Variants in DNAI3 observed in about 807,000 individuals in gnomAD.
DNAI3 encodes the protein WD repeat domain 63.
Under a neutral mutation model 115.5 loss-of-function variants are expected in DNAI3, and 83 were observed. That is an observed-to-expected ratio of 0.72 (90% confidence interval 0.60 to 0.86). DNAI3 has a LOEUF of 0.86. Among genes scored for constraint, DNAI3 ranks in the 40% least tolerant of loss-of-function variants. The pLI is 0.00. For missense variants in DNAI3, 1,004 were observed against 1,075.8 expected (o/e 0.93, Z 0.93); for synonymous variants, 320 against 347.0 (o/e 0.92, Z 0.86).
Position 85,132,150 on chromosome 1 carries a change from A to G in DNAI3, c.2533-705A>G, listed in dbSNP as rs1656345615. On this transcript the variant is annotated intron_variant, in intron 22 of 22. Coordinates refer to ENST00000294664, the MANE Select transcript of DNAI3 (RefSeq NM_145172.5). ...TCTAAGCAACGGCTGATAAAGGGGG[A>G]AATGGCAACAGTAACAACCTCAGAA... Among the ~76,000 whole-genome samples, 3 of 152,234 alleles carry G rather than the reference A, an allele frequency of 2.0e-5. No homozygotes were observed. In the East Asian group the frequency reaches 5.8e-4, roughly 29 times the overall value.
At chr1:85,064,003 C>A (rs1244333851) in intron 1 of DNAI3, among the ~76,000 whole-genome samples, 1 of 152,066 alleles carries the variant, frequency 6.6e-6, no homozygotes, top group East Asian at 1.9e-4. Context: ...CTCATCATTA[C>A]CTCACAATTA....
rs759476924 is a variant in DNAI3, at chr1:85,108,054, T to G, written c.1575T>G (p.Ile525Met). ...TTAGCACAATATGTTTTTGGGATATTAGACCACAGAAACCTTTAACCCCCC... is the reference window on the plus strand; with the variant it reads ...TTAGCACAATATGTTTTTGGGATATGAGACCACAGAAACCTTTAACCCCCC... The part of the protein sequence containing the change: ...SADCTICFWD[I>M]RPQKPLTPQT... Residue 525 changes from isoleucine to methionine, a missense_variant, in exon 15 of 23, where the codon ATT becomes ATG. Transcript: ENST00000294664. 17 of 1,591,972 alleles carry G rather than the reference T, an allele frequency of 1.1e-5. No individual in the cohort carries two copies. In the East Asian group the frequency reaches 3.8e-4, roughly 36 times the overall value.
intron 1 of DNAI3, among the ~76,000 whole-genome samples, chr1:85,065,048 A>T (rs1370645223): frequency 1.3e-5 from 2 of 152,140 alleles, no homozygotes; most frequent in Non-Finnish European, 2.9e-5. Context: ...AAATAAATAA[A>T]TAAATGTAGA....
intron 4 of DNAI3, 50 bp downstream of exon 4, chr1:85,081,465 G>A: frequency 6.8e-7 from 1 of 1,462,198 alleles, no homozygotes; most frequent in Non-Finnish European, 9.0e-7. Flanking sequence ...AGAAGTTCCT[G>A]GTACATAATA....
intron 13 of DNAI3, among the ~76,000 whole-genome samples, chr1:85,101,449 G>A (rs1290712086): frequency 6.6e-6 from 1 of 152,068 alleles, no homozygotes. Flanking sequence ...CAGGCTGGGC[G>A]CAGTGGCTCA....
chr1:85,116,529 A>G (rs1371088404), intron 16 of DNAI3, among the ~76,000 whole-genome samples: 1 of 152,220 alleles, frequency 6.6e-6, no homozygotes, highest in African/African-American at 2.4e-5. Context: ...TACATATTCT[A>G]CTTCTCTAAT....
intron 14 of DNAI3, among the ~76,000 whole-genome samples, chr1:85,107,095 C>T (rs192716499): frequency 5.9e-5 from 9 of 152,222 alleles, no homozygotes; most frequent in East Asian, 5.8e-4. Context: ...TGTTGGTGAA[C>T]GTGCAGAGAT....
chr1:85,090,198 C>A lies in DNAI3; in HGVS notation c.823C>A (p.Pro275Thr), dbSNP rs1398639548. The change falls in exon 8 of 23, where the codon CCT (proline) becomes ACT (threonine). Residue 275 changes from proline to threonine, a missense_variant. Physicochemically the swap from Pro to Thr is conservative, Grantham distance 38 (BLOSUM62 -1). Transcript: ENST00000294664. ...AAAAGAGACACTCAAACAATCAAAG[C>A]CTTTGGTTGATTTTCTTAACAATGC... ...EEKETLKQSK[P>T]LVDFLNNASI... 1.3e-6 allele frequency: 2 copies of A among 1,579,776 alleles called. No individual in the cohort carries two copies. The highest frequency in any genetic ancestry group is 4.6e-5 in the East Asian group (2 of 43,820).
At chr1:85,072,198 C>A (rs559818197) in intron 2 of DNAI3, among the ~76,000 whole-genome samples, 193 bp downstream of exon 2, 11 of 152,208 alleles carry the variant, frequency 7.2e-5, no homozygotes, top group Middle Eastern at 6.8e-3. Flanking sequence ...CAATTAGATG[C>A]GATATAATGA....
intron 1 of DNAI3, among the ~76,000 whole-genome samples, chr1:85,065,997 G>A (rs1314727304): frequency 6.6e-6 from 1 of 152,174 alleles, no homozygotes; most frequent in Non-Finnish European, 1.5e-5. Flanking sequence ...CTGTTATGCA[G>A]GGGACTTACC....
At chr1:85,118,691 A>C (rs988863218) in intron 17 of DNAI3, among the ~76,000 whole-genome samples, 1 of 152,144 alleles carries the variant, frequency 6.6e-6, no homozygotes, top group Non-Finnish European at 1.5e-5. Context: ...TGGGATCAGA[A>C]GTGAATAGCA....
At chr1:85,124,685 C>G (rs974554198) in intron 19 of DNAI3, among the ~76,000 whole-genome samples, 2 of 152,282 alleles carry the variant, frequency 1.3e-5, no homozygotes, top group East Asian at 1.9e-4. Context: ...TGTACGCCAC[C>G]AAGCCCAGCT....
intron 4 of DNAI3, 44 bp from the exon 5 acceptor site, chr1:85,082,256 T>A: frequency 6.9e-7 from 1 of 1,450,272 alleles, no homozygotes; most frequent in Non-Finnish European, 9.6e-7. Context: ...ATAAACTGAA[T>A]GACCATTGAA....
chr1:85,117,505 A>T (rs1655866108), intron 16 of DNAI3, among the ~76,000 whole-genome samples: 1 of 152,222 alleles, frequency 6.6e-6, no homozygotes, highest in Non-Finnish European at 1.5e-5. Flanking sequence ...ATGTGCAGGT[A>T]TAGCTAGAGC....
At chr1:85,096,085 T>G in intron 11 of DNAI3, 65 bp downstream of exon 11, 1 of 1,465,702 alleles carries the variant, frequency 6.8e-7, no homozygotes, top group Non-Finnish European at 9.5e-7. Context: ...AAGTTTTGAC[T>G]TGGCAGTTCC....
Position 85,130,105 on chromosome 1 carries a change from A to G in DNAI3, c.2525A>G (p.Lys842Arg), listed in dbSNP as rs763436828. Residue 842 changes from lysine (K) to arginine (R), a missense_variant, in exon 22 of 23, where the codon AAA becomes AGA. Coordinates refer to ENST00000294664, the MANE Select transcript of DNAI3 (RefSeq NM_145172.5). ...GAAATGGAACTAGAAATGGCAAAGA[A>G]AAAAGTTGTAAGTTAAATTTCAGAA... Reference protein sequence around the residue: ...KKEMELEMAKKKVKTYQKSKE... With the variant: ...KKEMELEMAKRKVKTYQKSKE... 3 of 1,613,388 alleles carry G rather than the reference A, an allele frequency of 1.9e-6. 1 individual carries two copies. In the South Asian group the frequency reaches 3.3e-5, roughly 18 times the overall value.
At chr1:85,086,419 T>C (rs1489511808) in intron 7 of DNAI3, among the ~76,000 whole-genome samples, 1 of 152,180 alleles carries the variant, frequency 6.6e-6, no homozygotes, top group East Asian at 1.9e-4. Flanking sequence ...TCTTTGGCTT[T>C]CATCACTTAA....
chr1:85,105,535 AAAAAAAG>A lies in DNAI3; in HGVS notation c.1553+944_1553+950del, dbSNP rs202007613. On this transcript the variant is annotated intron_variant, in intron 14 of 22. Transcript: ENST00000294664. ...AAGAGTGAAACTCTGTCTCAAAAAA[AAAAAAAG>A]AAAAAGAAAAAGAAAGAAAGAAAAG... Among the ~76,000 whole-genome samples, 61 of 140,412 alleles carry A rather than the reference AAAAAAAG, an allele frequency of 4.3e-4. No homozygotes were observed. In the East Asian group the frequency reaches 8.6e-3, roughly 20 times the overall value. 92.1% of individuals were successfully genotyped at this position (140,412 alleles called of 152,430 possible).
chr1:85,093,372 T>C, intron 8 of DNAI3, 86 bp from the exon 9 acceptor site: 1 of 1,204,910 alleles, frequency 8.3e-7, no homozygotes, highest in Non-Finnish European at 1.2e-6. Context: ...TCAGTATAAA[T>C]GAAGGAGGAG....
Sources: allele counts gnomAD v4.1 joint callset (sites outside exome capture counted in the v4.1 genomes callset), GRCh38; gene constraint gnomAD v4.1.1; transcripts MANE v1.5; gene names NCBI Gene and HGNC (gene_info 2026-07-23, HGNC 2026-07-21).